The following ALG13 variants were observed in gnomAD, a reference collection of about 807,000 sequenced individuals.
ALG13 encodes ALG13 UDP-N-acetylglucosaminyltransferase subunit.
Under a neutral mutation model 87.8 loss-of-function variants are expected in ALG13, and 11 were observed. The observed-to-expected ratio is 0.13, with a 90% CI of 0.08 to 0.21. The LOEUF is 0.21. Among genes scored for constraint, ALG13 ranks in the 10% least tolerant of loss-of-function variants. The pLI, the probability that ALG13 is intolerant of heterozygous loss-of-function variation, is 1.00. For synonymous variants in ALG13, 320 were observed against 306.3 expected, an observed-to-expected ratio of 1.04 and a Z score of -0.47; for missense variants, 756 against 866.1, an observed-to-expected ratio of 0.87 and a Z score of 1.60.
At chrX:111,711,036 T>A (rs1939689442) in intron 5 of ALG13, 1 of 112,667 alleles carries the variant, frequency 8.9e-6, no homozygotes, top group African/African-American at 3.2e-5. Flanking sequence ...AAAAGGAAAA[T>A]TTAAATGATT....
chrX:111,681,879 C>T, intron 1 of ALG13: 1 of 911,942 alleles, frequency 1.1e-6, no homozygotes, highest in Non-Finnish European at 1.4e-6. Flanking sequence ...GACTCCTTTT[C>T]CAAAGTCTTT....
chrX:111,682,039 A>T (rs1290660866), intron 1 of ALG13, 93 bp from the exon 2 acceptor site: 3 of 932,283 alleles, frequency 3.2e-6, no homozygotes, highest in African/African-American at 2.0e-5. Context: ...CCGTGCTCCG[A>T]TGTTAACGTC....
At chrX:111,737,933 C>A (rs1943389943) in intron 23 of ALG13, among the ~76,000 whole-genome samples, 1 of 111,919 alleles carries the variant, frequency 8.9e-6, no homozygotes, top group Non-Finnish European at 1.9e-5. Context: ...CTGAATTGAT[C>A]AGGATAGAGA....
At chrX:111,758,742 C>T (rs1447193553) in intron 26 of ALG13, among the ~76,000 whole-genome samples, 2 of 111,790 alleles carry the variant, frequency 1.8e-5, no homozygotes, top group Non-Finnish European at 3.8e-5. Flanking sequence ...GAGGAACTAC[C>T]ACTTATGTAG....
chrX:111,711,786 A>T (rs984205657), intron 6 of ALG13, 61 bp downstream of exon 6: 2 of 1,072,904 alleles, frequency 1.9e-6, no homozygotes, highest in East Asian at 6.1e-5. Flanking sequence ...ATGTAAATTT[A>T]TTCATTCAAC....
chrX:111,688,402 C>CT (rs1569511740), intron 3 of ALG13: 4 of 733,875 alleles, frequency 5.5e-6, no homozygotes, highest in Non-Finnish European at 6.4e-6. Context: ...GAGTTAGCAT[C>CT]TTTAGCTTTA....
chrX:111,730,373 C>T (rs1358055066), intron 19 of ALG13, 22 bp from the exon 20 acceptor site: 77 of 1,203,184 alleles, frequency 6.4e-5, no homozygotes, highest in Non-Finnish European at 8.5e-5. Context: ...CACATTTCTT[C>T]TGTCTTGTCT....
chrX:111,730,028 C>T (rs976162673), intron 19 of ALG13, among the ~76,000 whole-genome samples: 1 of 112,291 alleles, frequency 8.9e-6, no homozygotes, highest in Non-Finnish European at 1.9e-5. Context: ...GATTAAATAA[C>T]TTGCCTAAAG....
At chrX:111,753,990 A>T (rs944261790) in intron 25 of ALG13, among the ~76,000 whole-genome samples, 1 of 111,959 alleles carries the variant, frequency 8.9e-6, no homozygotes, top group South Asian at 3.7e-4. Context: ...TTTCAGGCCA[A>T]TATCCCTGAT....
chrX:111,730,919 T>TGATG (rs765671822), intron 21 of ALG13, among the ~76,000 whole-genome samples: 2 of 112,397 alleles, frequency 1.8e-5, no homozygotes, highest in African/African-American at 6.4e-5. Flanking sequence ...GTACTTAGGC[T>TGATG]GATGGAAATT....
chrX:111,741,729 C>G (rs1448888287), intron 23 of ALG13, among the ~76,000 whole-genome samples: 1 of 109,804 alleles, frequency 9.1e-6, no homozygotes, highest in Non-Finnish European at 1.9e-5. Context: ...AAGAGAATCA[C>G]TTGAACTCAG....
intron 25 of ALG13, 199 bp from the exon 26 acceptor site, chrX:111,757,389 C>T (rs896845368): frequency 6.1e-6 from 2 of 327,839 alleles, no homozygotes; most frequent in Non-Finnish European, 1.1e-5. Flanking sequence ...ATATGAGATA[C>T]AAATGCTGCA....
At chrX:111,758,600 GAAGA>G (rs1046557377) in intron 26 of ALG13, among the ~76,000 whole-genome samples, 24 of 112,057 alleles carry the variant, frequency 2.1e-4, no homozygotes, top group Non-Finnish European at 4.5e-4. Context: ...CTCAGTGAAG[GAAGA>G]GTTTCCCAAT....
At chrX:111,736,338 A>G (rs760734725) in intron 22 of ALG13, among the ~76,000 whole-genome samples, 47 of 111,147 alleles carry the variant, frequency 4.2e-4, no homozygotes, top group African/African-American at 1.4e-3. Flanking sequence ...GGCAATATAT[A>G]TGCATGTAAA....
intron 23 of ALG13, among the ~76,000 whole-genome samples, chrX:111,744,113 G>A (rs1161639885): frequency 1.8e-5 from 2 of 111,485 alleles, no homozygotes; most frequent in East Asian, 5.6e-4. Context: ...AAAGGGATAA[G>A]ATATTGTATC....
chrX:111,688,045 C>T (rs1935409388), intron 3 of ALG13: 3 of 1,028,619 alleles, frequency 2.9e-6, no homozygotes, highest in Non-Finnish European at 3.8e-6. Flanking sequence ...CAAATTCAAC[C>T]TATGTAATGT....
chrX:111,691,791 A>G (rs1936198581), intron 3 of ALG13, among the ~76,000 whole-genome samples: 1 of 112,592 alleles, frequency 8.9e-6, no homozygotes, highest in South Asian at 3.6e-4. Flanking sequence ...TTGCTACTTA[A>G]AAAACCACAG....
At chrX:111,751,267 C>A (rs936215922) in intron 24 of ALG13, among the ~76,000 whole-genome samples, 2 of 109,948 alleles carry the variant, frequency 1.8e-5, no homozygotes, top group African/African-American at 6.6e-5. Flanking sequence ...CGGGGTTTCA[C>A]CATGTTGGCC....
chrX:111,717,745 A>G (rs1215206433), intron 8 of ALG13, 101 bp from the exon 9 acceptor site: 3 of 519,393 alleles, frequency 5.8e-6, no homozygotes, highest in Non-Finnish European at 6.0e-6. Context: ...GTTAGTTATC[A>G]GTTACTGACT....
Sources: gnomAD v4.1 joint callset for allele counts (sites outside exome capture counted in the v4.1 genomes callset) on GRCh38, gnomAD v4.1.1 for gene constraint, MANE v1.5 for transcripts, NCBI Gene and HGNC (gene_info 2026-07-23, HGNC 2026-07-21) for gene names.